Variants in FAM193A observed in about 807,000 individuals in gnomAD.
FAM193A encodes the protein protein FAM193A.
Under a neutral mutation model 126.5 loss-of-function variants are expected in FAM193A, and 22 were observed. That is an observed-to-expected ratio of 0.17 (90% CI 0.12 to 0.25). FAM193A has a LOEUF of 0.25. Among genes scored for constraint, FAM193A ranks in the 10% least tolerant of loss-of-function variants. FAM193A has a pLI of 1.00. For synonymous variants in FAM193A, 761 were observed against 646.8 expected, an observed-to-expected ratio of 1.18 and a Z score of -2.68; for missense variants, 1,675 against 1,672.8, an observed-to-expected ratio of 1.00 and a Z score of -0.02.
intron 13 of FAM193A, among the ~76,000 whole-genome samples, chr4:2,677,111 A>G (rs1302863914): frequency 2.0e-5 from 3 of 152,100 alleles, no homozygotes; most frequent in African/African-American, 7.2e-5. Context: ...TCCATTTTTT[A>G]GTTCATTTTT....
intron 13 of FAM193A, among the ~76,000 whole-genome samples, chr4:2,680,204 A>C (rs1166350397): frequency 6.6e-6 from 1 of 152,170 alleles, no homozygotes; most frequent in African/African-American, 2.4e-5. Flanking sequence ...CTTACTAGTT[A>C]CAGGTCTGTT....
chr4:2,606,943 C>T (rs548288508), intron 2 of FAM193A, among the ~76,000 whole-genome samples: 18 of 152,238 alleles, frequency 1.2e-4, no homozygotes, highest in African/African-American at 3.6e-4. Flanking sequence ...CTTGAAGTGA[C>T]GGACTCATTT....
intron 5 of FAM193A, among the ~76,000 whole-genome samples, chr4:2,637,572 G>A (rs1456134762): frequency 6.6e-6 from 1 of 152,132 alleles, no homozygotes; most frequent in Admixed American, 6.5e-5. Flanking sequence ...CTTTTTTGTA[G>A]TGGGAAGTGA....
At chr4:2,540,651 AAAAC>A (rs1267211481) in intron 1 of FAM193A, among the ~76,000 whole-genome samples, 3 of 151,954 alleles carry the variant, frequency 2.0e-5, no homozygotes, top group African/African-American at 4.8e-5. Context: ...CCGTCTCAAA[AAAAC>A]AAACGAACAA....
Position 2,590,492 on chromosome 4 carries a change from A to G in FAM193A, c.256-5592A>G, listed in dbSNP as rs78488317. Among the ~76,000 whole-genome samples, 2 of 94,454 alleles carry G rather than the reference A, an allele frequency of 2.1e-5. 1 individual carries two copies. Among genetic ancestry groups the G allele is most frequent in the Non-Finnish European group, 4.4e-5 (2 of 45,810 alleles). The allele number at this position is 94,454 out of a possible 152,430, so 62.0% of individuals were successfully genotyped here. A position where few individuals can be genotyped will look rare whatever the true frequency, so the allele number is the denominator to read the frequency against. ...AAAAAAAAACAAAAAAAAACAAAAA[A>G]AAACAAAAAAAAACAAAAAAAAAAC... On this transcript the variant is annotated intron_variant, in intron 1 of 20. Coordinates refer to ENST00000637812, the MANE Select transcript of FAM193A (RefSeq NM_001366318.2).
chr4:2,687,896 C>G (rs538460938), intron 13 of FAM193A, among the ~76,000 whole-genome samples: 2 of 152,324 alleles, frequency 1.3e-5, no homozygotes, highest in East Asian at 3.9e-4. Context: ...CACTGTCATC[C>G]CTGTACGTGC....
chr4:2,688,625 T>A (rs900570469), intron 13 of FAM193A, among the ~76,000 whole-genome samples: 20 of 152,212 alleles, frequency 1.3e-4, no homozygotes, highest in African/African-American at 4.8e-4. Flanking sequence ...AAGCCATTGC[T>A]GCATCCTGAG....
intron 2 of FAM193A, among the ~76,000 whole-genome samples, chr4:2,603,906 G>A (rs1465045684): frequency 6.6e-6 from 1 of 151,980 alleles, no homozygotes; most frequent in South Asian, 2.1e-4. Flanking sequence ...GTAGTGGCAC[G>A]ATCTTGGCTC....
At chr4:2,542,489 G>C (rs949988128) in intron 1 of FAM193A, among the ~76,000 whole-genome samples, 1 of 152,190 alleles carries the variant, frequency 6.6e-6, no homozygotes, top group African/African-American at 2.4e-5. Context: ...AAGTTTCTTT[G>C]TAAGTATTTT....
intron 1 of FAM193A, among the ~76,000 whole-genome samples, chr4:2,592,407 A>G (rs1352869573): frequency 6.6e-6 from 1 of 152,158 alleles, no homozygotes. Context: ...TATTTTTTAA[A>G]AATATCAATG....
At chr4:2,539,106 C>G (rs915518254) in intron 1 of FAM193A, among the ~76,000 whole-genome samples, 1 of 151,902 alleles carries the variant, frequency 6.6e-6, no homozygotes, top group South Asian at 2.1e-4. Context: ...GTTGGGCAGG[C>G]TGGTCTTGAA....
intron 13 of FAM193A, among the ~76,000 whole-genome samples, chr4:2,675,006 C>G (rs1042448787): frequency 6.6e-6 from 1 of 152,078 alleles, no homozygotes; most frequent in African/African-American, 2.4e-5. Flanking sequence ...AAAATAAAAA[C>G]TGTAAGTGCC....
chr4:2,610,109 G>A (rs993667111), intron 2 of FAM193A, among the ~76,000 whole-genome samples: 1 of 151,890 alleles, frequency 6.6e-6, no homozygotes, highest in Admixed American at 6.6e-5. Flanking sequence ...GCGGGTGCCT[G>A]TAATCCCAGC....
chr4:2,600,905 A>T (rs535457689), intron 2 of FAM193A, among the ~76,000 whole-genome samples: 2 of 152,134 alleles, frequency 1.3e-5, no homozygotes, highest in African/African-American at 4.8e-5. Flanking sequence ...TTGTGGTTCA[A>T]TTTCTTTAAT....
rs137966045 is a variant in FAM193A at position 2,649,517 on chromosome 4, C to A, written c.1311+2685C>A. On this transcript the variant is annotated intron_variant, in intron 7 of 20. Coordinates refer to ENST00000637812, the MANE Select transcript of FAM193A (RefSeq NM_001366318.2). The stretch of plus-strand genomic sequence containing the variant: ...GATAGACCTTGTCTCTACAAAAATA[C>A]AAAAATTAGCCTGCCATGGTAGTGT... Among the ~76,000 whole-genome samples, 307 of 151,596 alleles carry A rather than the reference C, an allele frequency of 2.0e-3. 1 individual carries two copies. Among genetic ancestry groups the A allele is most frequent in the African/African-American group, 7.1e-3 (294 of 41,316 alleles).
chr4:2,683,455 C>T (rs1046822423), intron 13 of FAM193A, among the ~76,000 whole-genome samples: 9 of 152,018 alleles, frequency 5.9e-5, no homozygotes, highest in African/African-American at 9.7e-5. Flanking sequence ...CCATCATGCC[C>T]GGCTAATTTT....
chr4:2,661,966 G>C (rs1712502410), intron 10 of FAM193A, among the ~76,000 whole-genome samples: 1 of 152,058 alleles, frequency 6.6e-6, no homozygotes, highest in Admixed American at 6.5e-5. Context: ...GGCGGATCAC[G>C]AGGTCAGGGG....
chr4:2,558,799 G>A (rs1033246611), intron 1 of FAM193A, among the ~76,000 whole-genome samples: 1 of 152,112 alleles, frequency 6.6e-6, no homozygotes, highest in Admixed American at 6.6e-5. Flanking sequence ...GCAGAGGTTC[G>A]AGACCAGCCT....
At chr4:2,710,806 A>T (rs1409037942) in intron 19 of FAM193A, among the ~76,000 whole-genome samples, 4 of 146,686 alleles carry the variant, frequency 2.7e-5, no homozygotes, top group Non-Finnish European at 4.5e-5. Context: ...TGCCCAGCCT[A>T]CCTTGTTAAT....
Sources: allele counts gnomAD v4.1 joint callset (sites outside exome capture counted in the v4.1 genomes callset), GRCh38; gene constraint gnomAD v4.1.1; transcripts MANE v1.5; gene names NCBI Gene and HGNC (gene_info 2026-07-23, HGNC 2026-07-21).